INTS2: variants seen among roughly 807,000 people sequenced by gnomAD.
The protein encoded by INTS2 is integrator complex subunit 2, also known as KIAA1287.
INTS2 carries 57 observed loss-of-function variants against 139.6 expected under a neutral mutation model. The observed-to-expected ratio is 0.41, with a 90% CI of 0.33 to 0.51. The LOEUF (loss-of-function observed/expected upper bound fraction) is 0.51, where lower values mean the gene tolerates loss of function less well. Ranked by LOEUF, INTS2 falls within the 20% of genes least tolerant of loss-of-function variation. The pLI, the probability that INTS2 is intolerant of heterozygous loss-of-function variation, is 0.28. For missense variants in INTS2, 1,196 were observed against 1,436.7 expected (o/e 0.83, Z 2.71); for synonymous variants, 473 against 493.4 (o/e 0.96, Z 0.55).
intron 4 of INTS2, 63 bp from the exon 5 acceptor site, chr17:61,919,576 A>AT (rs949700277): frequency 2.4e-5 from 20 of 832,956 alleles, no homozygotes; most frequent in African/African-American, 1.2e-4. Flanking sequence ...CACCCAGCTA[A>AT]TTTTTTTTAT....
chr17:61,911,454 TTC>T, intron 7 of INTS2, 64 bp downstream of exon 7: 12 of 1,377,320 alleles, frequency 8.7e-6, no homozygotes, highest in Non-Finnish European at 1.2e-5. Flanking sequence ...CAAAAAATGT[TTC>T]TTTCTCTTTT....
At chr17:61,879,971 T>C (rs768405888) in intron 17 of INTS2, among the ~76,000 whole-genome samples, 2 of 152,246 alleles carry the variant, frequency 1.3e-5, no homozygotes, top group African/African-American at 2.4e-5. Context: ...ATAGGTGTTA[T>C]AGCTCACATT....
rs943467345 is a variant in INTS2 at position 61,893,594 on chromosome 17, T to C, written c.1698+171A>G. 1.3e-5 allele frequency among the ~76,000 whole-genome samples: 2 copies of C among 151,190 alleles called. No homozygotes were observed. Among genetic ancestry groups the C allele is most frequent in the African/African-American group, 4.9e-5 (2 of 41,020 alleles). On this transcript the variant is annotated intron_variant, in intron 13 of 24. Coordinates refer to ENST00000251334, the MANE Select transcript of INTS2 (RefSeq NM_001351695.2). This position sits in a 1 kb window ranked among gnomAD's most constrained non-coding sequence, Gnocchi z 5.4. ...CCTGTAGTCCCAGCTACCTGGGAGGTTGAGGCAGGAGAATCACTTTAACCC... is the reference window on the plus strand; with the variant it reads ...CCTGTAGTCCCAGCTACCTGGGAGGCTGAGGCAGGAGAATCACTTTAACCC...
At chr17:61,902,197 A>G (rs556399028) in intron 9 of INTS2, among the ~76,000 whole-genome samples, 1 of 152,114 alleles carries the variant, frequency 6.6e-6, no homozygotes, top group South Asian at 2.1e-4. Flanking sequence ...TCTGGATGAT[A>G]TGCCTTAGCC....
At chr17:61,887,375 C>T (rs984993326) in intron 15 of INTS2, among the ~76,000 whole-genome samples, 29 of 151,386 alleles carry the variant, frequency 1.9e-4, no homozygotes, top group African/African-American at 7.0e-4. Context: ...CCCAGCTACT[C>T]AGGAGTCCGA....
intron 5 of INTS2, among the ~76,000 whole-genome samples, chr17:61,913,312 G>A (rs1363216992): frequency 6.7e-6 from 1 of 148,440 alleles, no homozygotes; most frequent in Non-Finnish European, 1.5e-5. Context: ...CTGCACTCCA[G>A]CCTGGGTGAC....
At chr17:61,916,598 T>C (rs2079585380) in intron 5 of INTS2, among the ~76,000 whole-genome samples, 1 of 152,200 alleles carries the variant, frequency 6.6e-6, no homozygotes, top group Admixed American at 6.5e-5. Context: ...GCTAGCCATA[T>C]GCAGAAGAAT....
At chr17:61,915,693 T>C (rs975688882) in intron 5 of INTS2, among the ~76,000 whole-genome samples, 1 of 141,950 alleles carries the variant, frequency 7.0e-6, no homozygotes, top group Non-Finnish European at 1.5e-5. Context: ...TAGCCGGGCG[T>C]GGTGGCGGGT....
Position 61,872,165 on chromosome 17 carries a change from C to A in INTS2, c.2778+100G>T. 1 of 606,588 alleles carries A rather than the reference C, an allele frequency of 1.6e-6. No individual in the cohort carries two copies. 37.6% of individuals were successfully genotyped at this position (606,588 alleles called of 1,614,324 possible). A position where few individuals can be genotyped will look rare whatever the true frequency, so the allele number is the denominator to read the frequency against. ...ATAAAAGAAATGCACAATATGTCAC[C>A]AATGTACATGGAGCGCACAATGTGC... On this transcript the variant is annotated intron_variant, in intron 20 of 24. Transcript: ENST00000251334. This position sits in a 1 kb window ranked among gnomAD's most constrained non-coding sequence, Gnocchi z 4.8.
rs192890397 is a variant in INTS2 at position 61,880,075 on chromosome 17, G to A, written c.2254+932C>T. ...ATTTCTTTTTTTGACATGGAGTCTC[G>A]CTTTGTCACCCAGGCTGGAGTGCAG... On this transcript the variant is annotated intron_variant, in intron 17 of 24. Transcript: ENST00000251334. 2.0e-3 allele frequency among the ~76,000 whole-genome samples: 307 copies of A among 152,078 alleles called. 2 individuals are homozygous for A. Among genetic ancestry groups the A allele is most frequent in the Middle Eastern group, 0.014 (4 of 294 alleles).
chr17:61,910,666 C>T (rs2079517551), intron 7 of INTS2: 1 of 151,198 alleles, frequency 6.6e-6, no homozygotes, highest in Admixed American at 6.6e-5. Context: ...CTTAATGCCA[C>T]TGAATTATAT....
intron 2 of INTS2, among the ~76,000 whole-genome samples, chr17:61,925,370 G>A (rs1210927541): frequency 6.6e-6 from 1 of 151,590 alleles, no homozygotes. Flanking sequence ...CACAAGGTTG[G>A]GAGTTCGAGA....
rs1362301488 is a variant in INTS2 at position 61,897,219 on chromosome 17, T to C, written c.1494+250A>G. ...ACAGACATCAGAATATTAATAGTAG[T>C]ATACTAGGTATCTCTGAATCATGGA... On this transcript the variant is annotated intron_variant, in intron 11 of 24. Coordinates refer to ENST00000251334, the MANE Select transcript of INTS2 (RefSeq NM_001351695.2). This position sits in a 1 kb window ranked among gnomAD's most constrained non-coding sequence, Gnocchi z 4.4. Among the ~76,000 whole-genome samples, 1 of 152,172 alleles carries C rather than the reference T, an allele frequency of 6.6e-6. No homozygotes were observed. Among genetic ancestry groups the C allele is most frequent in the African/African-American group, 2.4e-5 (1 of 41,452 alleles).
chr17:61,923,806 C>T (rs545450808), intron 3 of INTS2, among the ~76,000 whole-genome samples: 2 of 152,180 alleles, frequency 1.3e-5, no homozygotes, highest in Middle Eastern at 3.4e-3. Context: ...GCATGCACCA[C>T]CACTCCTGGC....
At position 61,897,568 on chromosome 17, in the gene INTS2, A is replaced by G; in HGVS notation, c.1395T>C (p.Ser465=). The part of the protein sequence containing the change: ...EAYFESTSGV[S]ASFGEMLLLV... ...ATAATAACATCTCCCCAAAAGAAGC[A>G]GAGACGCCTGAAGTACTGTCAAAAC... Residue 465 remains serine, a synonymous_variant, in exon 11 of 25, where the codon TCT becomes TCC. Coordinates refer to ENST00000251334, the MANE Select transcript of INTS2 (RefSeq NM_001351695.2). This position sits in a 1 kb window ranked among gnomAD's most constrained non-coding sequence, Gnocchi z 4.4. 1 of 1,601,982 alleles carries G rather than the reference A, an allele frequency of 6.2e-7. No individual in the cohort carries two copies. The highest frequency in any genetic ancestry group is 8.5e-7 in the Non-Finnish European group (1 of 1,173,768).
At chr17:61,903,007 A>C (rs1217870674) in intron 9 of INTS2, among the ~76,000 whole-genome samples, 3 of 151,314 alleles carry the variant, frequency 2.0e-5, no homozygotes, top group African/African-American at 7.3e-5. Context: ...TCTACTAAAA[A>C]TACAAAAATT....
rs758966721 is a variant in INTS2 at position 61,904,447 on chromosome 17, T to C, written c.1307+13A>G. The C allele has an allele frequency of 1.9e-6, 3 of 1,571,728 alleles. No homozygotes were observed. The highest frequency in any genetic ancestry group is 1.2e-5 in the South Asian group (1 of 86,026). On this transcript the variant is annotated intron_variant, in intron 9 of 24. Transcript: ENST00000251334. ...AACCTTGAGAAAATGGAGCAACTTATATAGTTAGGTACCTGACAAGTGTAG... is the reference window on the plus strand; with the variant it reads ...AACCTTGAGAAAATGGAGCAACTTACATAGTTAGGTACCTGACAAGTGTAG...
At chr17:61,908,281 G>A (rs543684225) in intron 7 of INTS2, among the ~76,000 whole-genome samples, 1 of 152,200 alleles carries the variant, frequency 6.6e-6, no homozygotes, top group Admixed American at 6.5e-5. Flanking sequence ...TGGGTGTGGT[G>A]GTGCATGCCT....
At chr17:61,888,400 T>C (rs958446872) in intron 15 of INTS2, among the ~76,000 whole-genome samples, 2 of 152,026 alleles carry the variant, frequency 1.3e-5, no homozygotes, top group African/African-American at 2.4e-5. Flanking sequence ...ACTATACACA[T>C]GTAGGAAGTA....
Sources: allele counts gnomAD v4.1 joint callset (sites outside exome capture counted in the v4.1 genomes callset), GRCh38; gene constraint gnomAD v4.1.1; non-coding constraint Gnocchi (gnomAD v3.1); transcripts MANE v1.5; gene names NCBI Gene and HGNC (gene_info 2026-07-23, HGNC 2026-07-21).